Variants in ERC2 observed in about 807,000 individuals in gnomAD.
ERC2 encodes the protein ERC protein 2.
Under a neutral mutation model 114.8 loss-of-function variants are expected in ERC2, and 42 were observed. The observed-to-expected ratio is 0.37, with a 90% CI of 0.29 to 0.47. The LOEUF (loss-of-function observed/expected upper bound fraction) is 0.47. Among genes scored for constraint, ERC2 ranks in the 20% least tolerant of loss-of-function variants. The probability of loss-of-function intolerance (pLI) is 0.99; values close to 1 mark genes in which losing one functional copy is unlikely to be tolerated. For synonymous variants in ERC2, 454 were observed against 425.5 expected (o/e 1.07, Z -0.82); for missense variants, 939 against 1,150.7 (o/e 0.82, Z 2.66).
chr3:55,983,564 T>C (rs1332183817), intron 12 of ERC2, among the ~76,000 whole-genome samples: 2 of 151,980 alleles, frequency 1.3e-5, no homozygotes, highest in African/African-American at 4.8e-5. Context: ...AGCATGAGAG[T>C]CTACATAGAG....
intron 16 of ERC2, among the ~76,000 whole-genome samples, chr3:55,699,036 C>A (rs1181826194): frequency 6.6e-6 from 1 of 152,102 alleles, no homozygotes; most frequent in Non-Finnish European, 1.5e-5. Flanking sequence ...TTGCCAAGCT[C>A]ATGGAAACAA....
At chr3:56,085,307 G>A (rs1168431443) in intron 6 of ERC2, among the ~76,000 whole-genome samples, 1 of 152,198 alleles carries the variant, frequency 6.6e-6, no homozygotes, top group Non-Finnish European at 1.5e-5. Context: ...TGAGAAGGAT[G>A]AAGCTGGGAG....
intron 2 of ERC2, among the ~76,000 whole-genome samples, chr3:56,374,358 A>G (rs2059462193): frequency 6.6e-6 from 1 of 152,090 alleles, no homozygotes; most frequent in Admixed American, 6.6e-5. Context: ...CAGCCTCCCA[A>G]AGTGCTGTAA....
intron 3 of ERC2, among the ~76,000 whole-genome samples, chr3:56,294,188 C>A (rs2055280588): frequency 6.6e-6 from 1 of 152,218 alleles, no homozygotes; most frequent in African/African-American, 2.4e-5. Flanking sequence ...TGAAGTAAGA[C>A]ATGGAGAAAA....
chr3:56,412,042 T>C (rs1287414040), intron 2 of ERC2, among the ~76,000 whole-genome samples: 1 of 152,204 alleles, frequency 6.6e-6, no homozygotes, highest in Non-Finnish European at 1.5e-5. Flanking sequence ...GTTAAAGATC[T>C]CAGGATGAGA....
chr3:55,583,349 G>A (rs981401289), intron 17 of ERC2, among the ~76,000 whole-genome samples: 5 of 150,564 alleles, frequency 3.3e-5, no homozygotes, highest in Admixed American at 6.6e-5. Flanking sequence ...CTGTCTGCCT[G>A]CCTGCCTGCC....
At chr3:55,732,465 G>A (rs1383191155) in intron 15 of ERC2, among the ~76,000 whole-genome samples, 1 of 152,018 alleles carries the variant, frequency 6.6e-6, no homozygotes, top group African/African-American at 2.4e-5. Context: ...GCGTAGCTGA[G>A]GTTTCCCAAA....
chr3:56,326,800 C>T (rs947194731), intron 2 of ERC2, among the ~76,000 whole-genome samples: 1 of 152,154 alleles, frequency 6.6e-6, no homozygotes, highest in African/African-American at 2.4e-5. Context: ...CTGTGCCAGG[C>T]CATGGTTAGG....
chr3:55,919,843 A>AATTCCCCAAG (rs1401389040), intron 13 of ERC2, among the ~76,000 whole-genome samples: 3 of 152,208 alleles, frequency 2.0e-5, no homozygotes, highest in Non-Finnish European at 4.4e-5. Flanking sequence ...GGGAATTGCA[A>AATTCCCCAAG]GTGCAAAAGC....
chr3:55,734,438 T>C (rs1218363950), intron 15 of ERC2, among the ~76,000 whole-genome samples: 1 of 152,194 alleles, frequency 6.6e-6, no homozygotes, highest in Non-Finnish European at 1.5e-5. Flanking sequence ...TTGCCCAGAA[T>C]TTAAATTATA....
intron 12 of ERC2, among the ~76,000 whole-genome samples, chr3:55,958,884 C>G (rs989295473): frequency 1.3e-5 from 2 of 152,108 alleles, no homozygotes; most frequent in Non-Finnish European, 2.9e-5. Context: ...ATGCATGGGC[C>G]CAGAGCCACA....
At chr3:56,089,599 C>T (rs1375736565) in intron 6 of ERC2, among the ~76,000 whole-genome samples, 2 of 149,738 alleles carry the variant, frequency 1.3e-5, no homozygotes, top group Non-Finnish European at 3.0e-5. Context: ...TTTTTTAATA[C>T]TTTTAGCACA....
At chr3:55,687,089 G>A (rs1209170761) in intron 16 of ERC2, among the ~76,000 whole-genome samples, 3 of 152,252 alleles carry the variant, frequency 2.0e-5, no homozygotes, top group South Asian at 2.1e-4. Flanking sequence ...CAGATGCTGC[G>A]CCCTAATGGG....
Position 55,752,403 on chromosome 3 carries a change from C to G in ERC2, c.2565-17485G>C, listed in dbSNP as rs577204421. 2.6e-5 allele frequency among the ~76,000 whole-genome samples: 4 copies of G among 152,284 alleles called. No homozygotes were observed. In the South Asian group the frequency reaches 8.3e-4, roughly 32 times the overall value. On this transcript the variant is annotated intron_variant, in intron 14 of 17. Coordinates refer to ENST00000288221, the MANE Select transcript of ERC2 (RefSeq NM_015576.3). Reference sequence around the variant, plus strand: ...CTTGGCCATGGTAGAAGTATTTACACGATGGAAATTGGCAATCACTACCAA... The same window carrying G: ...CTTGGCCATGGTAGAAGTATTTACAGGATGGAAATTGGCAATCACTACCAA...
At chr3:55,790,130 A>G (rs1339680461) in intron 14 of ERC2, among the ~76,000 whole-genome samples, 2 of 152,278 alleles carry the variant, frequency 1.3e-5, no homozygotes, top group African/African-American at 2.4e-5. Flanking sequence ...CCTGCAGGAT[A>G]AAGTCCAACT....
intron 6 of ERC2, among the ~76,000 whole-genome samples, chr3:56,087,495 T>G (rs1403307585): frequency 6.6e-6 from 1 of 152,164 alleles, no homozygotes; most frequent in Non-Finnish European, 1.5e-5. Flanking sequence ...AGAAACGGTT[T>G]CAATGTTGTG....
At chr3:56,069,561 T>A (rs1397816331) in intron 7 of ERC2, among the ~76,000 whole-genome samples, 1 of 151,980 alleles carries the variant, frequency 6.6e-6, no homozygotes, top group East Asian at 1.9e-4. Flanking sequence ...TAGGGAAAAA[T>A]TCACTTCCAA....
chr3:55,981,295 G>A (rs1426356654), intron 12 of ERC2, among the ~76,000 whole-genome samples: 1 of 152,178 alleles, frequency 6.6e-6, no homozygotes, highest in Non-Finnish European at 1.5e-5. Flanking sequence ...CACTTCACCA[G>A]AAATGTCAGC....
intron 17 of ERC2, among the ~76,000 whole-genome samples, chr3:55,663,192 T>C (rs185548847): frequency 2.0e-5 from 3 of 152,362 alleles, no homozygotes; most frequent in African/African-American, 7.2e-5. Flanking sequence ...ACAATCGTTC[T>C]TTACTTTCAA....
Sources: gnomAD v4.1 joint callset for allele counts (sites outside exome capture counted in the v4.1 genomes callset) on GRCh38, gnomAD v4.1.1 for gene constraint, MANE v1.5 for transcripts, NCBI Gene and HGNC (gene_info 2026-07-23, HGNC 2026-07-21) for gene names.